The following SLC25A48 variants were observed in gnomAD, a reference collection of about 807,000 sequenced individuals.
The protein encoded by SLC25A48 is solute carrier family 25 member 48, also known as CTC-321K16.1.
Under a neutral mutation model 32.2 loss-of-function variants are expected in SLC25A48, and 29 were observed. That is an observed-to-expected ratio of 0.90 (90% CI 0.67 to 1.23). The LOEUF (loss-of-function observed/expected upper bound fraction) is 1.23, where lower values mean the gene tolerates loss of function less well. Ranked by LOEUF, SLC25A48 falls within the 50% of genes most tolerant of loss-of-function variation. The pLI, the probability that SLC25A48 is intolerant of heterozygous loss-of-function variation, is 0.00. For missense variants in SLC25A48, 399 were observed against 422.7 expected (o/e 0.94, Z 0.49); for synonymous variants, 164 against 172.3 (o/e 0.95, Z 0.38).
chr5:135,609,856 T>A (rs1020067238), intron 1 of SLC25A48: 3 of 152,338 alleles, frequency 2.0e-5, no homozygotes, highest in African/African-American at 7.2e-5. Flanking sequence ...TACCAGAAAT[T>A]AGTGGTTATA....
chr5:135,760,874 T>TGTAAAA (rs1756045741), intron 3 of SLC25A48, among the ~76,000 whole-genome samples: 1 of 152,192 alleles, frequency 6.6e-6, no homozygotes, highest in Admixed American at 6.5e-5. Context: ...TTTTCCCTGG[T>TGTAAAA]GTAAAGAAAA....
At chr5:135,598,046 AC>A (rs1274894983) in intron 1 of SLC25A48, among the ~76,000 whole-genome samples, 1 of 152,066 alleles carries the variant, frequency 6.6e-6, no homozygotes, top group Non-Finnish European at 1.5e-5. Context: ...AAACAAACAA[AC>A]AAAAGCAACG....
At chr5:135,745,266 C>T (rs1343427791) in intron 3 of SLC25A48, among the ~76,000 whole-genome samples, 2 of 152,206 alleles carry the variant, frequency 1.3e-5, no homozygotes, top group Non-Finnish European at 2.9e-5. Context: ...CAGGCTCTGG[C>T]TTGTTATCTG....
intron 1 of SLC25A48, among the ~76,000 whole-genome samples, chr5:135,586,028 A>G (rs961254750): frequency 2.4e-4 from 36 of 152,220 alleles, no homozygotes; most frequent in African/African-American, 8.0e-4. Context: ...ACAAATATTA[A>G]TTTATTTAAT....
chr5:135,684,171 T>C (rs1276289263), intron 3 of SLC25A48, among the ~76,000 whole-genome samples: 1 of 152,180 alleles, frequency 6.6e-6, no homozygotes, highest in African/African-American at 2.4e-5. Flanking sequence ...TTCCTCCTTC[T>C]CCTGATCCCC....
At chr5:135,692,329 A>AG (rs1383278864) in intron 3 of SLC25A48, among the ~76,000 whole-genome samples, 1 of 151,620 alleles carries the variant, frequency 6.6e-6, no homozygotes, top group Non-Finnish European at 1.5e-5. Flanking sequence ...AAAAAAAAAA[A>AG]AAAAAAGGTA....
chr5:135,683,956 G>A (rs983909921), intron 3 of SLC25A48, among the ~76,000 whole-genome samples: 1 of 152,166 alleles, frequency 6.6e-6, no homozygotes, highest in African/African-American at 2.4e-5. Context: ...TTTCATTGCT[G>A]TGATTTTAGG....
chr5:135,718,154 C>T (rs952986230), intron 3 of SLC25A48, among the ~76,000 whole-genome samples: 5 of 151,968 alleles, frequency 3.3e-5, no homozygotes, highest in African/African-American at 9.7e-5. Flanking sequence ...ACTACAGGTG[C>T]GTACCACCAT....
intron 3 of SLC25A48, among the ~76,000 whole-genome samples, chr5:135,754,640 T>C (rs1755851578): frequency 6.6e-6 from 1 of 152,000 alleles, no homozygotes; most frequent in Non-Finnish European, 1.5e-5. Flanking sequence ...ATCACTCTGA[T>C]ATTTATAATA....
chr5:135,856,358 C>G lies in SLC25A48; in HGVS notation c.421+3537C>G, dbSNP rs145344029. 3.4e-4 allele frequency among the ~76,000 whole-genome samples: 52 copies of G among 152,312 alleles called. No homozygotes were observed. The Middle Eastern group carries it at 0.01, about 30-fold the overall frequency. Reference sequence around the variant, plus strand: ...GAAGACTCCTCTCCCTGGCAGCCTTCTGAGTAGCCCCTGTGTGACCCCTCT... The same window carrying G: ...GAAGACTCCTCTCCCTGGCAGCCTTGTGAGTAGCCCCTGTGTGACCCCTCT... On this transcript the variant is annotated intron_variant, in intron 4 of 7. Transcript: ENST00000681962.
At chr5:135,585,589 G>T (rs988965612) in intron 1 of SLC25A48, among the ~76,000 whole-genome samples, 3 of 152,118 alleles carry the variant, frequency 2.0e-5, no homozygotes, top group Admixed American at 1.3e-4. Flanking sequence ...CACAGGGCCG[G>T]GCACACAGTA....
At chr5:135,786,968 G>A (rs1344488758) in intron 3 of SLC25A48, among the ~76,000 whole-genome samples, 1 of 152,094 alleles carries the variant, frequency 6.6e-6, no homozygotes, top group Non-Finnish European at 1.5e-5. Context: ...TAATGTCACA[G>A]TGTGTGTACA....
intron 4 of SLC25A48, chr5:135,827,225 G>A (rs1276459394): frequency 6.6e-6 from 1 of 152,234 alleles, no homozygotes; most frequent in Non-Finnish European, 1.5e-5. Flanking sequence ...CCGTGGCGCT[G>A]GTTTTGTGTC....
chr5:135,849,154 G>T (rs568660520), intron 2 of SLC25A48, among the ~76,000 whole-genome samples: 2 of 152,206 alleles, frequency 1.3e-5, no homozygotes, highest in Non-Finnish European at 2.9e-5. Context: ...TCACCTCTGA[G>T]ATCACCATTT....
chr5:135,655,488 A>AGCC (rs1427937956), intron 3 of SLC25A48, among the ~76,000 whole-genome samples: 1 of 152,158 alleles, frequency 6.6e-6, no homozygotes. Flanking sequence ...GTCTAATTCC[A>AGCC]GCCCAGAGCT....
intron 2 of SLC25A48, among the ~76,000 whole-genome samples, chr5:135,847,061 G>A (rs2126720202): frequency 6.6e-6 from 1 of 152,304 alleles, no homozygotes; most frequent in South Asian, 2.1e-4. Context: ...AACCAGGAGA[G>A]ACGAGAAAGA....
intron 5 of SLC25A48, among the ~76,000 whole-genome samples, chr5:135,873,572 C>G (rs1373768355): frequency 2.6e-5 from 4 of 152,204 alleles, no homozygotes; most frequent in Admixed American, 6.5e-5. Context: ...CCTCAGTGAG[C>G]TGCAAACCTT....
At chr5:135,851,440 G>A (rs1173781348) in intron 3 of SLC25A48, among the ~76,000 whole-genome samples, 2 of 152,226 alleles carry the variant, frequency 1.3e-5, no homozygotes, top group African/African-American at 4.8e-5. Flanking sequence ...GCCAGTCTGT[G>A]TCCAAGCTCT....
At chr5:135,624,255 C>T (rs926916515) in intron 1 of SLC25A48, among the ~76,000 whole-genome samples, 9 of 152,114 alleles carry the variant, frequency 5.9e-5, no homozygotes, top group African/African-American at 9.7e-5. Context: ...TTGACATTTC[C>T]GTCCCAGAGC....
Sources: gnomAD v4.1 joint callset for allele counts (sites outside exome capture counted in the v4.1 genomes callset) on GRCh38, gnomAD v4.1.1 for gene constraint, MANE v1.5 for transcripts, NCBI Gene and HGNC (gene_info 2026-07-23, HGNC 2026-07-21) for gene names.